Variants in VIPR2 observed in about 807,000 individuals in gnomAD.
VIPR2 encodes vasoactive intestinal polypeptide receptor 2.
Under a neutral mutation model 58.0 loss-of-function variants are expected in VIPR2, and 48 were observed. The ratio of observed to expected loss-of-function variants is 0.83; its 90% CI spans 0.66 to 1.05. The LOEUF (loss-of-function observed/expected upper bound fraction) is 1.05, where lower values mean the gene tolerates loss of function less well. VIPR2 is among the 50% of genes least tolerant of loss of function. The pLI, the probability that VIPR2 is intolerant of heterozygous loss-of-function variation, is 0.00. For missense variants in VIPR2, 534 were observed against 558.0 expected (o/e 0.96, Z 0.43); for synonymous variants, 243 against 235.2 (o/e 1.03, Z -0.30).
At chr7:159,090,773 C>A (rs1441344297) in intron 4 of VIPR2, among the ~76,000 whole-genome samples, 3 of 71,826 alleles carry the variant, frequency 4.2e-5, no homozygotes, top group Non-Finnish European at 7.9e-5. Context: ...CCACCTCCTG[C>A]GACCACTGCA....
intron 2 of VIPR2, among the ~76,000 whole-genome samples, chr7:159,116,525 A>G (rs1447315204): frequency 6.6e-6 from 1 of 152,222 alleles, no homozygotes; most frequent in Non-Finnish European, 1.5e-5. Flanking sequence ...TTTTCAATGT[A>G]GACTGGCAGT....
intron 3 of VIPR2, among the ~76,000 whole-genome samples, chr7:159,105,140 C>T (rs186866399): frequency 6.6e-6 from 1 of 152,286 alleles, no homozygotes; most frequent in East Asian, 1.9e-4. Context: ...CCACACAGAA[C>T]AGTAAGTGAT....
At chr7:159,055,392 C>T (rs546810134) in intron 5 of VIPR2, among the ~76,000 whole-genome samples, 14 of 152,298 alleles carry the variant, frequency 9.2e-5, no homozygotes, top group Non-Finnish European at 1.5e-4. Context: ...GCCTGGTAAA[C>T]ATGCATTCTG....
In VIPR2 at chr7:159,127,831, T is replaced by C. The variant is rs570561421; in HGVS notation, c.151+14615A>G. 1.3e-5 allele frequency among the ~76,000 whole-genome samples: 2 copies of C among 152,298 alleles called. No individual in the cohort carries two copies. The highest frequency in any genetic ancestry group is 4.1e-4 in the South Asian group (2 of 4,824). ...CCTTTTCCCAAACTCCTGCCACGGCTCGGATGCTGCTGGGGCCGCAGGGGC... is the reference window on the plus strand; with the variant it reads ...CCTTTTCCCAAACTCCTGCCACGGCCCGGATGCTGCTGGGGCCGCAGGGGC... On this transcript the variant is annotated intron_variant, in intron 2 of 12. Transcript: ENST00000262178. The surrounding 1 kb of genome is among the most constrained non-coding windows in gnomAD (Gnocchi z 4.6).
rs1213586668 is a variant in VIPR2 at position 159,031,941 on chromosome 7, G to A, written c.1098C>T (p.Phe366=). The change falls in exon 11 of 13, where the codon TTC becomes TTT. Residue 366 remains phenylalanine, a synonymous_variant. Coordinates refer to ENST00000262178, the MANE Select transcript of VIPR2 (RefSeq NM_003382.5). This position sits in a 1 kb window ranked among gnomAD's most constrained non-coding sequence, Gnocchi z 4.0. ...GCGGCCGCCTCCGCACACCTACCTGGAACGACCCGAGGCACAGCTCAAACA... is the reference window on the plus strand; with the variant it reads ...GCGGCCGCCTCCGCACACCTACCTGAAACGACCCGAGGCACAGCTCAAACA... ...QILFELCLGS[F]QGLVVAVLYC... 1 of 1,614,160 alleles carries A rather than the reference G, an allele frequency of 6.2e-7. No individual in the cohort carries two copies. Among genetic ancestry groups the A allele is most frequent in the African/African-American group, 1.3e-5 (1 of 75,064 alleles).
At position 159,096,871 on chromosome 7, in the gene VIPR2, G is replaced by C. The variant is rs1398361110; in HGVS notation, c.357+6886C>G. 5.2e-6 allele frequency: 8 copies of C among 1,547,304 alleles called. No homozygotes were observed. Among genetic ancestry groups the C allele is most frequent in the Non-Finnish European group, 7.0e-6 (8 of 1,145,382 alleles). ...TCCGCCGTACTGTGTCCATGGCTGA[G>C]ACCACCCTCTCTGTGGCCGCCTTGC... On this transcript the variant is annotated intron_variant, in intron 4 of 12. Coordinates refer to ENST00000262178, the MANE Select transcript of VIPR2 (RefSeq NM_003382.5). The surrounding 1 kb of genome is among the most constrained non-coding windows in gnomAD (Gnocchi z 5.5).
intron 10 of VIPR2, 100 bp downstream of exon 10, chr7:159,034,113 C>T (rs549695378): frequency 1.1e-5 from 13 of 1,157,736 alleles, no homozygotes; most frequent in Middle Eastern, 2.4e-4. Flanking sequence ...GTGGCGGAGG[C>T]GGAGTCGCCG....
chr7:159,036,985 CAG>C, intron 6 of VIPR2, 83 bp from the exon 7 acceptor site: 1 of 1,498,270 alleles, frequency 6.7e-7, no homozygotes, highest in Non-Finnish European at 9.0e-7. Context: ...CTCCAGGACA[CAG>C]GGCGCTTGGT....
At chr7:159,121,083 G>A (rs1466519757) in intron 2 of VIPR2, among the ~76,000 whole-genome samples, 40 of 152,184 alleles carry the variant, frequency 2.6e-4, no homozygotes, top group African/African-American at 2.4e-5. Flanking sequence ...ATGGGAAGAG[G>A]GGAGGCGTCT....
At chr7:159,134,538 G>T (rs1797114971) in intron 2 of VIPR2, among the ~76,000 whole-genome samples, 1 of 152,118 alleles carries the variant, frequency 6.6e-6, no homozygotes, top group South Asian at 2.1e-4. Flanking sequence ...TCTGACAAAA[G>T]AAATTTTATG....
chr7:159,103,820 C>T lies in VIPR2; in HGVS notation c.294G>A (p.Trp98Ter), dbSNP rs1858453033. Residue 98 changes from tryptophan to a stop codon, truncating the protein, a stop_gained, in exon 4 of 13, where the codon TGG (tryptophan) becomes TGA (stop). Transcript: ENST00000262178. LOFTEE classifies it high-confidence loss of function. ...CGACGAAATCTGGGAACGTCTCTGA[C>T]CATCCGTCACTCGTACAGTTTTTGC... ...NISKNCTSDG[W>*]SETFPDFVDA... 9 of 1,614,164 alleles carry T rather than the reference C, an allele frequency of 5.6e-6. No homozygotes were observed. The highest frequency in any genetic ancestry group is 7.6e-6 in the Non-Finnish European group (9 of 1,180,014).
chr7:159,053,437 C>G (rs1855122699), intron 5 of VIPR2, among the ~76,000 whole-genome samples: 1 of 152,208 alleles, frequency 6.6e-6, no homozygotes, highest in African/African-American at 2.4e-5. Flanking sequence ...GAAGGATCTA[C>G]TATGATCACA....
intron 3 of VIPR2, among the ~76,000 whole-genome samples, chr7:159,108,040 C>T (rs3793229): frequency 0.35 from 53,675 of 152,132 alleles, 11,297 homozygotes; most frequent in African/African-American, 0.6. Context: ...AATGATTCCA[C>T]GTGTGTTCTA....
Position 159,096,917 on chromosome 7 carries a change from G to C in VIPR2, c.357+6840C>G. The C allele has an allele frequency of 1.9e-6, 3 of 1,550,762 alleles. No homozygotes were observed. Among genetic ancestry groups the C allele is most frequent in the African/African-American group, 1.4e-5 (1 of 73,174 alleles). ...CTTGCTGTCCCCGTTCCCATCACTC[G>C]ATGAGCCAATGCCCTCGTGGCTGGC... On this transcript the variant is annotated intron_variant, in intron 4 of 12. Transcript: ENST00000262178. The surrounding 1 kb of genome is among the most constrained non-coding windows in gnomAD (Gnocchi z 5.5).
rs369785819 is a variant in VIPR2, at chr7:159,079,422, C to T, written c.358-20844G>A. On this transcript the variant is annotated intron_variant, in intron 4 of 12. Coordinates refer to ENST00000262178, the MANE Select transcript of VIPR2 (RefSeq NM_003382.5). ...AAATAAAGATGTTCTTTGAAACCAA[C>T]GAGAACAAAGACACAACATACCAGA... is the stretch of plus-strand genomic sequence containing the variant. Among the ~76,000 whole-genome samples, 35 of 151,804 alleles carry T rather than the reference C, an allele frequency of 2.3e-4. No individual in the cohort carries two copies. The East Asian group carries it at 5.0e-3, about 22-fold the overall frequency.
intron 2 of VIPR2, among the ~76,000 whole-genome samples, chr7:159,141,073 T>C (rs967636445): frequency 2.0e-5 from 3 of 152,242 alleles, no homozygotes; most frequent in African/African-American, 4.8e-5. Context: ...CCTAAAAGCC[T>C]GTCTCTCCTC....
At chr7:159,065,038 C>A (rs1421717649) in intron 4 of VIPR2, among the ~76,000 whole-genome samples, 1 of 152,200 alleles carries the variant, frequency 6.6e-6, no homozygotes, top group Non-Finnish European at 1.5e-5. Flanking sequence ...CACTGCACCG[C>A]TCTCTGAAAG....
At chr7:159,102,298 C>T (rs1314182091) in intron 4 of VIPR2, among the ~76,000 whole-genome samples, 2 of 152,206 alleles carry the variant, frequency 1.3e-5, no homozygotes, top group Non-Finnish European at 2.9e-5. Context: ...AAGGGGTTTC[C>T]CTTTTCGCTT....
chr7:159,137,844 G>T (rs1797292842), intron 2 of VIPR2, among the ~76,000 whole-genome samples: 2 of 152,162 alleles, frequency 1.3e-5, no homozygotes, highest in Admixed American at 6.5e-5. Context: ...AAGTTATTTG[G>T]ACTAGAACAA....
Sources: gnomAD v4.1 joint callset for allele counts (sites outside exome capture counted in the v4.1 genomes callset) on GRCh38, gnomAD v4.1.1 for gene constraint, Gnocchi (gnomAD v3.1) non-coding constraint, MANE v1.5 for transcripts, NCBI Gene and HGNC (gene_info 2026-07-23, HGNC 2026-07-21) for gene names.